The following RAP1GDS1 variants were observed in gnomAD, a reference collection of about 807,000 sequenced individuals.
The protein encoded by RAP1GDS1 is Rap1 GTPase-GDP dissociation stimulator 1, also known as RAP1, GTP-GDP dissociation stimulator 1.
In RAP1GDS1, 35 loss-of-function variants were observed where a neutral mutation model predicts 71.1. That is an observed-to-expected ratio of 0.49 (90% confidence interval 0.38 to 0.65). The LOEUF is 0.65. Ranked by LOEUF, RAP1GDS1 falls within the 30% of genes least tolerant of loss-of-function variation. The pLI is 0.00. For synonymous variants in RAP1GDS1, 229 were observed against 243.1 expected (o/e 0.94, Z 0.54); for missense variants, 663 against 706.1 (o/e 0.94, Z 0.69).
Position 98,441,995 on chromosome 4 carries a change from C to A in RAP1GDS1, c.1702C>A (p.Leu568Ile). 1 of 1,613,684 alleles carries A rather than the reference C, an allele frequency of 6.2e-7. No homozygotes were observed. The highest frequency in any genetic ancestry group is 1.1e-5 in the South Asian group (1 of 91,034). ...LICALMGSEC[L>I]HKEVQDLAFL... is the part of the protein sequence containing the mutation. The stretch of plus-strand genomic sequence containing the variant: ...GTTATTTTTTTGTCTTCCAGAATGT[C>A]TACACAAGGAAGTACAGGATTTGGC... Residue 568 changes from leucine (L) to isoleucine (I), a missense_variant, in exon 15 of 15, where the codon CTA becomes ATA. Leu to Ile is a conservative substitution (Grantham distance 5, BLOSUM62 2). Coordinates refer to ENST00000408927, the MANE Select transcript of RAP1GDS1 (RefSeq NM_001100427.2).
At chr4:98,293,330 G>A in intron 1 of RAP1GDS1, 78 bp from the exon 2 acceptor site, 2 of 932,936 alleles carry the variant, frequency 2.1e-6, no homozygotes, top group South Asian at 1.7e-5. Context: ...CAGTTTAGTG[G>A]TAACTGTTTA....
intron 2 of RAP1GDS1, among the ~76,000 whole-genome samples, chr4:98,309,577 G>A (rs1729900371): frequency 6.6e-6 from 1 of 152,008 alleles, no homozygotes; most frequent in East Asian, 1.9e-4. Flanking sequence ...GTCAAGGTAA[G>A]GGAAGGATAG....
At chr4:98,439,432 T>C (rs1751604021) in intron 14 of RAP1GDS1, among the ~76,000 whole-genome samples, 1 of 152,246 alleles carries the variant, frequency 6.6e-6, no homozygotes. Context: ...TTTGCTCAGC[T>C]TCTTGAATTG....
intron 1 of RAP1GDS1, among the ~76,000 whole-genome samples, chr4:98,280,008 T>C (rs1006284713): frequency 6.6e-6 from 1 of 152,232 alleles, no homozygotes; most frequent in Non-Finnish European, 1.5e-5. Context: ...TAGTCTATCA[T>C]TGGTGGACAT....
At chr4:98,410,142 A>G (rs1338765467) in intron 7 of RAP1GDS1, among the ~76,000 whole-genome samples, 1 of 152,106 alleles carries the variant, frequency 6.6e-6, no homozygotes, top group Non-Finnish European at 1.5e-5. Flanking sequence ...CTCTTTTTTT[A>G]AAGACACCGT....
Position 98,443,659 on chromosome 4 carries a change from C to G in RAP1GDS1, c.*1542C>G, listed in dbSNP as rs763123055. ...TTAAATTCTAATGGAGGTAAAGAAT[C>G]TTGACTGATTGTTCCCTTTGATGTC... On this transcript the variant is annotated 3_prime_UTR_variant, in exon 15 of 15. Coordinates refer to ENST00000408927, the MANE Select transcript of RAP1GDS1 (RefSeq NM_001100427.2). 39 of 207,476 alleles carry G rather than the reference C, an allele frequency of 1.9e-4. No homozygotes were observed. Among genetic ancestry groups the G allele is most frequent in the Non-Finnish European group, 2.9e-4 (30 of 101,924 alleles). The allele number at this position is 207,476 out of a possible 1,614,324, so 12.9% of individuals were successfully genotyped here.
At chr4:98,314,858 A>G (rs1362742239) in intron 2 of RAP1GDS1, among the ~76,000 whole-genome samples, 1 of 152,170 alleles carries the variant, frequency 6.6e-6, no homozygotes, top group Non-Finnish European at 1.5e-5. Context: ...TGATGGGTAA[A>G]TAGACATTTT....
At chr4:98,411,612 A>G (rs1359032742) in intron 7 of RAP1GDS1, among the ~76,000 whole-genome samples, 1 of 152,220 alleles carries the variant, frequency 6.6e-6, no homozygotes. Flanking sequence ...TTAGGCCATA[A>G]AATAACCTAT....
intron 1 of RAP1GDS1, among the ~76,000 whole-genome samples, chr4:98,275,796 A>G (rs975437415): frequency 6.6e-6 from 1 of 152,164 alleles, no homozygotes; most frequent in African/African-American, 2.4e-5. Context: ...TTCTTTTAAT[A>G]TCATTGGGTT....
intron 2 of RAP1GDS1, among the ~76,000 whole-genome samples, chr4:98,322,105 G>T (rs1182038285): frequency 4.5e-3 from 446 of 99,552 alleles, no homozygotes; most frequent in African/African-American, 0.018. Context: ...ACAAAAAAAG[G>T]CAGGGATTGC....
Position 98,418,798 on chromosome 4 carries a change from C to A in RAP1GDS1, c.1174+7C>A. 6.3e-7 allele frequency: 1 copy of A among 1,581,924 alleles called. No individual in the cohort carries two copies. Among genetic ancestry groups the A allele is most frequent in the Non-Finnish European group, 8.6e-7 (1 of 1,167,916 alleles). On this transcript the variant is annotated splice_region_variant and intron_variant, in intron 10 of 14. Coordinates refer to ENST00000408927, the MANE Select transcript of RAP1GDS1 (RefSeq NM_001100427.2). ...AGAAACCTGGCCATTCCAGGTAAGACTTAAGAATAGAAGGCAGCTGTGTAC... is the reference window on the plus strand; with the variant it reads ...AGAAACCTGGCCATTCCAGGTAAGAATTAAGAATAGAAGGCAGCTGTGTAC...
In RAP1GDS1 at chr4:98,269,809, T is replaced by C. The variant is rs551573311; in HGVS notation, c.4+8240T>C. Among the ~76,000 whole-genome samples the C allele has an allele frequency of 1.1e-3, 173 of 152,268 alleles. 1 individual carries two copies. The South Asian group carries it at 0.018, about 16-fold the overall frequency. On this transcript the variant is annotated intron_variant, in intron 1 of 14. Transcript: ENST00000408927. The stretch of plus-strand genomic sequence containing the variant: ...TTAGTATCATGCATGTATTCCAAAA[T>C]CTGAATAATTTCAAAATCTGAAACA...
At chr4:98,284,563 T>C (rs1725699584) in intron 1 of RAP1GDS1, among the ~76,000 whole-genome samples, 1 of 152,184 alleles carries the variant, frequency 6.6e-6, no homozygotes, top group African/African-American at 2.4e-5. Flanking sequence ...CAACAATGTC[T>C]CTTGCCCCAC....
chr4:98,287,058 T>TA (rs1015023219), intron 1 of RAP1GDS1, among the ~76,000 whole-genome samples: 5 of 152,118 alleles, frequency 3.3e-5, no homozygotes, highest in East Asian at 1.9e-4. Flanking sequence ...TCATAATTTC[T>TA]AAAAAAACAT....
intron 2 of RAP1GDS1, among the ~76,000 whole-genome samples, chr4:98,308,333 G>A (rs1195890920): frequency 7.4e-5 from 3 of 40,486 alleles, no homozygotes; most frequent in African/African-American, 8.6e-5. Context: ...ATATATATAT[G>A]CGCCAGGCAT....
At chr4:98,301,808 A>G (rs1438296910) in intron 2 of RAP1GDS1, among the ~76,000 whole-genome samples, 1 of 152,206 alleles carries the variant, frequency 6.6e-6, no homozygotes, top group Non-Finnish European at 1.5e-5. Context: ...GGAAAGCACC[A>G]CTTTGGGGAT....
chr4:98,279,824 GT>G (rs1397110122), intron 1 of RAP1GDS1, among the ~76,000 whole-genome samples: 1 of 152,190 alleles, frequency 6.6e-6, no homozygotes, highest in East Asian at 1.9e-4. Flanking sequence ...TGTTCTCATT[GT>G]TCAGTTCCCA....
chr4:98,381,512 C>T (rs1351361204), intron 5 of RAP1GDS1, among the ~76,000 whole-genome samples: 1 of 151,596 alleles, frequency 6.6e-6, no homozygotes, highest in Admixed American at 6.6e-5. Flanking sequence ...TTAAATATTA[C>T]ATCATCTTTA....
intron 4 of RAP1GDS1, among the ~76,000 whole-genome samples, chr4:98,357,716 G>A (rs1264028822): frequency 1.3e-5 from 2 of 151,890 alleles, no homozygotes; most frequent in East Asian, 3.9e-4. Flanking sequence ...ATAGTGCATT[G>A]CTTAGAAAAG....
Sources: gnomAD v4.1 joint callset for allele counts (sites outside exome capture counted in the v4.1 genomes callset) on GRCh38, gnomAD v4.1.1 for gene constraint, MANE v1.5 for transcripts, NCBI Gene and HGNC (gene_info 2026-07-23, HGNC 2026-07-21) for gene names.